Variants in KIRREL1 observed in about 807,000 individuals in gnomAD.
KIRREL1 encodes kin of IRRE-like protein 1.
A neutral mutation model predicts 83.3 loss-of-function variants in KIRREL1; 25 were observed. The observed-to-expected ratio is 0.30, with a 90% CI of 0.22 to 0.42. KIRREL1 has a LOEUF of 0.42. Among genes scored for constraint, KIRREL1 ranks in the 10% least tolerant of loss-of-function variants. KIRREL1 has a pLI of 1.00. For missense variants in KIRREL1, 812 were observed against 1,032.3 expected, an observed-to-expected ratio of 0.79 and a Z score of 2.92; for synonymous variants, 388 against 410.4, an observed-to-expected ratio of 0.95 and a Z score of 0.66.
rs537447416 is a variant in KIRREL1 at position 158,057,099 on chromosome 1, G to T, written c.53-19014G>T. The stretch of plus-strand genomic sequence containing the variant: ...CCTGTTGTGTGCCAGGACCTGAGGT[G>T]CAGAGATGTTACTGCCTTTGGGGGC... On this transcript the variant is annotated intron_variant, in intron 1 of 14. Transcript: ENST00000359209. Among the ~76,000 whole-genome samples the T allele has an allele frequency of 3.3e-5, 5 of 152,300 alleles. No individual in the cohort carries two copies. In the South Asian group the frequency reaches 1.0e-3, roughly 32 times the overall value.
At chr1:158,001,638 T>G (rs565989663) in intron 1 of KIRREL1, among the ~76,000 whole-genome samples, 1 of 152,004 alleles carries the variant, frequency 6.6e-6, no homozygotes, top group Non-Finnish European at 1.5e-5. Flanking sequence ...GGCCCAAGGA[T>G]GGACAGGACA....
chr1:157,996,664 C>T (rs1357481554), intron 1 of KIRREL1, among the ~76,000 whole-genome samples: 8 of 152,206 alleles, frequency 5.3e-5, no homozygotes, highest in East Asian at 1.9e-4. Context: ...TCTCCCCTTT[C>T]GGTGCTACAC....
intron 1 of KIRREL1, among the ~76,000 whole-genome samples, chr1:158,063,150 G>A (rs1442947262): frequency 1.3e-5 from 2 of 152,158 alleles, no homozygotes; most frequent in East Asian, 1.9e-4. Context: ...GCCGATAAAT[G>A]TGCATTTATT....
intron 1 of KIRREL1, among the ~76,000 whole-genome samples, chr1:158,012,339 C>CA (rs1659711689): frequency 6.6e-6 from 1 of 152,186 alleles, no homozygotes; most frequent in African/African-American, 2.4e-5. Flanking sequence ...TCAGACTGCT[C>CA]AGATTCAAGG....
chr1:158,057,078 T>C (rs1661085833), intron 1 of KIRREL1, among the ~76,000 whole-genome samples: 2 of 152,168 alleles, frequency 1.3e-5, no homozygotes, highest in African/African-American at 4.8e-5. Flanking sequence ...GAAGTGCCTG[T>C]TGTGTGCCAG....
At position 158,010,396 on chromosome 1, in the gene KIRREL1, T is replaced by TACACACACACACACACACACAC. The variant is rs56077512; in HGVS notation, c.52+16711_52+16732dup. On this transcript the variant is annotated intron_variant, in intron 1 of 14. Transcript: ENST00000359209. ...GTCCTGAGAATGTCACACACATGCA[T>TACACACACACACACACACACAC]ACACACACACACACACACACACACA... 6.7e-5 allele frequency among the ~76,000 whole-genome samples: 3 copies of TACACACACACACACACACACAC among 44,590 alleles called. 1 individual carries two copies. Among genetic ancestry groups the TACACACACACACACACACACAC allele is most frequent in the Admixed American group, 5.5e-4 (2 of 3,662 alleles). 29.3% of individuals were successfully genotyped at this position (44,590 alleles called of 152,430 possible). A position where few individuals can be genotyped will look rare whatever the true frequency, so the allele number is the denominator to read the frequency against.
At position 158,016,029 on chromosome 1, in the gene KIRREL1, G is replaced by T. The variant is rs797020165; in HGVS notation, c.52+22301G>T. Among the ~76,000 whole-genome samples the T allele has an allele frequency of 2.6e-4, 39 of 152,268 alleles. 1 individual carries two copies. Among genetic ancestry groups the T allele is most frequent in the African/African-American group, 8.7e-4 (36 of 41,548 alleles). On this transcript the variant is annotated intron_variant, in intron 1 of 14. Transcript: ENST00000359209. ...TGACAAATATTAAGAAAGCAGGCTG[G>T]GTGCGGCGGCTCAAGCCTGTAATCC... is the stretch of plus-strand genomic sequence containing the variant.
chr1:157,993,919 G>A (rs1324585317), intron 1 of KIRREL1, among the ~76,000 whole-genome samples, 191 bp downstream of exon 1: 1 of 152,058 alleles, frequency 6.6e-6, no homozygotes, highest in African/African-American at 2.4e-5. Flanking sequence ...GGGCTGGGGA[G>A]AATGAGTTTG....
At chr1:158,091,279 G>T (rs1167634664) in intron 10 of KIRREL1, 79 bp from the exon 11 acceptor site, 13 of 1,358,252 alleles carry the variant, frequency 9.6e-6, no homozygotes, top group Middle Eastern at 2.2e-4. Flanking sequence ...GGTGCCTTGA[G>T]GGTGGATCAG....
At chr1:158,052,675 A>G (rs1013956421) in intron 1 of KIRREL1, among the ~76,000 whole-genome samples, 4 of 151,700 alleles carry the variant, frequency 2.6e-5, no homozygotes, top group African/African-American at 4.8e-5. Flanking sequence ...AGTCCCAGCA[A>G]CTCCAGAGGA....
chr1:158,078,755 T>TCCTGCTGTGTC (rs1469572521), intron 3 of KIRREL1, among the ~76,000 whole-genome samples: 1 of 151,904 alleles, frequency 6.6e-6, no homozygotes, highest in Non-Finnish European at 1.5e-5. Flanking sequence ...AGGGATGGGG[T>TCCTGCTGTGTC]CCTGCTGTGT....
chr1:158,093,265 C>G (rs1662252914), intron 11 of KIRREL1, 74 bp from the exon 12 acceptor site: 4 of 1,294,872 alleles, frequency 3.1e-6, no homozygotes, highest in Non-Finnish European at 4.5e-6. Context: ...GTGGCCTAGC[C>G]TTTAGCCAGC....
intron 3 of KIRREL1, among the ~76,000 whole-genome samples, chr1:158,078,605 C>T (rs1261615622): frequency 6.6e-6 from 1 of 152,164 alleles, no homozygotes; most frequent in East Asian, 1.9e-4. Context: ...CCTCACACAA[C>T]CCTTCTTCCC....
chr1:158,045,644 A>G (rs1660759986), intron 1 of KIRREL1, among the ~76,000 whole-genome samples: 1 of 152,188 alleles, frequency 6.6e-6, no homozygotes, highest in African/African-American at 2.4e-5. Context: ...ACCAACCAGG[A>G]GGTTCCATGA....
rs1483163228 is a variant in KIRREL1, at chr1:158,049,432, C to T, written c.53-26681C>T. Among the ~76,000 whole-genome samples, 5 of 152,132 alleles carry T rather than the reference C, an allele frequency of 3.3e-5. No homozygotes were observed. In the East Asian group the frequency reaches 5.8e-4, roughly 18 times the overall value. ...CAGGAGCATCCTGAGGGGGTGCACC[C>T]GCACTGAGAGGATGGTTTGGCGTGT... On this transcript the variant is annotated intron_variant, in intron 1 of 14. Transcript: ENST00000359209.
In KIRREL1 at chr1:158,094,219, T is replaced by G. The variant is rs537544563; in HGVS notation, c.1720-94T>G. The G allele has an allele frequency of 6.1e-5, 63 of 1,026,514 alleles. No homozygotes were observed. The highest frequency in any genetic ancestry group is 8.2e-5 in the Non-Finnish European group (55 of 668,428). The allele number at this position is 1,026,514 out of a possible 1,614,324, so 63.6% of individuals were successfully genotyped here. On this transcript the variant is annotated intron_variant, in intron 13 of 14. Coordinates refer to ENST00000359209, the MANE Select transcript of KIRREL1 (RefSeq NM_018240.7). This position sits in a 1 kb window ranked among gnomAD's most constrained non-coding sequence, Gnocchi z 4.6. Reference sequence around the variant, plus strand: ...TGCCCTTGACCTCAGACCCCACCCATGAGCAGGTGGCCTCTGAGCGTGGGG... The same window carrying G: ...TGCCCTTGACCTCAGACCCCACCCAGGAGCAGGTGGCCTCTGAGCGTGGGG...
At chr1:158,020,546 C>T (rs769970113) in intron 1 of KIRREL1, among the ~76,000 whole-genome samples, 3 of 143,402 alleles carry the variant, frequency 2.1e-5, no homozygotes, top group Non-Finnish European at 3.0e-5. Flanking sequence ...CTGTAACTTC[C>T]GTCTCTTGCC....
At chr1:158,056,774 G>A (rs1026517052) in intron 1 of KIRREL1, among the ~76,000 whole-genome samples, 1 of 152,226 alleles carries the variant, frequency 6.6e-6, no homozygotes, top group African/African-American at 2.4e-5. Flanking sequence ...TTCCAGAGCA[G>A]CTGGCTGGGC....
rs1209851309 is a variant in KIRREL1 at position 158,093,409 on chromosome 1, C to T, written c.1542C>T (p.Ile514=). The T allele has an allele frequency of 1.4e-5, 22 of 1,614,124 alleles. No individual in the cohort carries two copies. The highest frequency in any genetic ancestry group is 1.3e-4 in the African/African-American group (10 of 74,954). Residue 514 remains isoleucine (I), a synonymous_variant, in exon 12 of 15, where the codon ATC becomes ATT. Coordinates refer to ENST00000359209, the MANE Select transcript of KIRREL1 (RefSeq NM_018240.7). ...GASILLIFFF[I]ALVFFLYRRR... ...GCATCCTGCTCATCTTCTTCTTCAT[C>T]GCCTTGGTATTCTTCCTCTACCGGC...
Sources: allele counts gnomAD v4.1 joint callset (sites outside exome capture counted in the v4.1 genomes callset), GRCh38; gene constraint gnomAD v4.1.1; non-coding constraint Gnocchi (gnomAD v3.1); transcripts MANE v1.5; gene names NCBI Gene and HGNC (gene_info 2026-07-23, HGNC 2026-07-21).